Variants in C11orf21 observed in about 807,000 individuals in gnomAD.
The protein encoded by C11orf21 is uncharacterized protein C11orf21.
Under a neutral mutation model 15.2 loss-of-function variants are expected in C11orf21, and 19 were observed. That is an observed-to-expected ratio of 1.25 (90% CI 0.87 to 1.84). The LOEUF (loss-of-function observed/expected upper bound fraction) is 1.84. C11orf21 is among the 40% of genes most tolerant of loss of function. The pLI is 0.00. For missense variants in C11orf21, 171 were observed against 174.4 expected, an observed-to-expected ratio of 0.98 and a Z score of 0.11; for synonymous variants, 62 against 66.8, an observed-to-expected ratio of 0.93 and a Z score of 0.35.
Position 2,301,836 on chromosome 11 carries a change from A to T in C11orf21, c.-28T>A. On this transcript the variant is annotated 5_prime_UTR_variant, in exon 1 of 4. Coordinates refer to ENST00000381153, the MANE Select transcript of C11orf21 (RefSeq NM_001329958.2). ...CTTTCCCCCTCTCAGCGCCGTCCTC[A>T]GTGGCCACACCAAGAACGAGGCCAT... The T allele has an allele frequency of 6.4e-7, 1 of 1,550,676 alleles. No individual in the cohort carries two copies. The highest frequency in any genetic ancestry group is 8.7e-7 in the Non-Finnish European group (1 of 1,146,940).
chr11:2,299,737 G>A (rs534134013), intron 2 of C11orf21, 30 bp from the exon 3 acceptor site: 6 of 1,547,754 alleles, frequency 3.9e-6, no homozygotes, highest in East Asian at 2.5e-5. Context: ...TAGAGTGAGC[G>A]GGCGCACCTG....
intron 3 of C11orf21, 73 bp from the exon 4 acceptor site, chr11:2,297,994 C>T (rs1847568857): frequency 1.3e-5 from 2 of 152,298 alleles, no homozygotes; most frequent in South Asian, 4.1e-4. Flanking sequence ...GGCACTAATC[C>T]TATGGGACCA....
intron 1 of C11orf21, 119 bp downstream of exon 1, chr11:2,301,637 G>T: frequency 1.2e-6 from 1 of 825,222 alleles, no homozygotes; most frequent in Non-Finnish European, 1.8e-6. Context: ...CATTTCAAAG[G>T]GTGTTTCCTA....
upstream of C11orf21, chr11:2,302,104 A>C: frequency 2.0e-6 from 3 of 1,484,750 alleles, no homozygotes; most frequent in Non-Finnish European, 2.7e-6. Flanking sequence ...GCTGGAAACC[A>C]CAGGGAGGGG....
rs1056879487 is a variant in C11orf21, at chr11:2,300,525, C to G, written c.142G>C (p.Asp48His). The G allele has an allele frequency of 2.6e-6, 4 of 1,547,392 alleles. No individual in the cohort carries two copies. Among genetic ancestry groups the G allele is most frequent in the Non-Finnish European group, 3.5e-6 (4 of 1,145,700 alleles). The change falls in exon 2 of 4, where the codon GAC becomes CAC. Residue 48 changes from aspartate (D) to histidine (H), a missense_variant. Coordinates refer to ENST00000381153, the MANE Select transcript of C11orf21 (RefSeq NM_001329958.2). ...WTGTPGWPSRDQEAPGSMMPP... is the reference protein window; with the variant it reads ...WTGTPGWPSRHQEAPGSMMPP... The stretch of plus-strand genomic sequence containing the variant: ...GAGGGGGGCTGTGGTCAGACCTGGT[C>G]TCTGGAGGGCCAGCCGGGGGTTCCC...
chr11:2,299,633 G>C lies in C11orf21; in HGVS notation c.222C>G (p.Thr74=). Residue 74 remains threonine, a synonymous_variant, in exon 3 of 4, where the codon ACC becomes ACG. Transcript: ENST00000381153. The stretch of plus-strand genomic sequence containing the variant: ...CTGGGTGATCCACAGGTTCATGAGC[G>C]GTGGCAGGTGGAACAAGGGCACCAT... ...SAHGALVPPA[T]AHEPVDHPAL... The C allele has an allele frequency of 6.4e-7, 1 of 1,551,160 alleles. No individual in the cohort carries two copies. Among genetic ancestry groups the C allele is most frequent in the Non-Finnish European group, 8.7e-7 (1 of 1,146,958 alleles).
Position 2,301,826 on chromosome 11 carries a change from C to A in C11orf21, c.-18G>T, listed in dbSNP as rs767855802. On this transcript the variant is annotated 5_prime_UTR_variant, in exon 1 of 4. Transcript: ENST00000381153. ...CTGCCCATGACTTTCCCCCTCTCAGCGCCGTCCTCAGTGGCCACACCAAGA... is the reference window on the plus strand; with the variant it reads ...CTGCCCATGACTTTCCCCCTCTCAGAGCCGTCCTCAGTGGCCACACCAAGA... 1.0e-5 allele frequency: 16 copies of A among 1,550,780 alleles called. No individual in the cohort carries two copies. The highest frequency in any genetic ancestry group is 1.3e-5 in the Non-Finnish European group (15 of 1,146,948).
At position 2,300,565 on chromosome 11, in the gene C11orf21, G is replaced by A. The variant is rs1564951192; in HGVS notation, c.102C>T (p.Pro34=). The change falls in exon 2 of 4, where the codon CCC becomes CCT. Residue 34 remains proline, a synonymous_variant. Coordinates refer to ENST00000381153, the MANE Select transcript of C11orf21 (RefSeq NM_001329958.2). Reference sequence around the variant, plus strand: ...CGGGGGTTCCCGTCCACCTGTCAGGGGGTTCGACGCCACTTTGAGATGACA... The same window carrying A: ...CGGGGGTTCCCGTCCACCTGTCAGGAGGTTCGACGCCACTTTGAGATGACA... ...PHLSSQSGVE[P]PDRWTGTPGW... is the part of the protein sequence containing the mutation. The A allele has an allele frequency of 1.3e-6, 2 of 1,549,920 alleles. No homozygotes were observed. The highest frequency in any genetic ancestry group is 8.7e-7 in the Non-Finnish European group (1 of 1,146,656).
In C11orf21 at chr11:2,296,123, C is replaced by T. The variant is rs1847519983; in HGVS notation, c.*1827G>A. ...AGTGGAACGAGGCTGCAGTGGGGGT[C>T]ACCACCCTGCATCTTCCAAGTCCTC... On this transcript the variant is annotated 3_prime_UTR_variant, in exon 4 of 4. Coordinates refer to ENST00000381153, the MANE Select transcript of C11orf21 (RefSeq NM_001329958.2). The surrounding 1 kb of genome is among the most constrained non-coding windows in gnomAD (Gnocchi z 5.6). 1 of 152,182 alleles carries T rather than the reference C, an allele frequency of 6.6e-6. No homozygotes were observed. The allele number at this position is 152,182 out of a possible 1,614,324, so 9.4% of individuals were successfully genotyped here. A position where few individuals can be genotyped will look rare whatever the true frequency, so the allele number is the denominator to read the frequency against.
chr11:2,300,443 C>T, intron 2 of C11orf21, 77 bp downstream of exon 2: 1 of 914,116 alleles, frequency 1.1e-6, no homozygotes, highest in Middle Eastern at 3.2e-4. Flanking sequence ...GAGGGTGTGG[C>T]TCAGCAAAGG....
At chr11:2,300,999 T>C in intron 1 of C11orf21, 1 of 555,226 alleles carries the variant, frequency 1.8e-6, no homozygotes, top group Non-Finnish European at 3.2e-6. Context: ...AGACTCAGGG[T>C]GGGAATTCCT....
rs945476656 is a variant in C11orf21, at chr11:2,300,559, G to A, written c.108C>T (p.Asp36=). ...LSSQSGVEPP[D]RWTGTPGWPS... is the part of the protein sequence containing the mutation. The stretch of plus-strand genomic sequence containing the variant: ...GCCAGCCGGGGGTTCCCGTCCACCT[G>A]TCAGGGGGTTCGACGCCACTTTGAG... The change falls in exon 2 of 4, where the codon GAC becomes GAT. Residue 36 remains aspartate, a synonymous_variant. Coordinates refer to ENST00000381153, the MANE Select transcript of C11orf21 (RefSeq NM_001329958.2). 1.9e-5 allele frequency: 29 copies of A among 1,549,702 alleles called. No homozygotes were observed. Among genetic ancestry groups the A allele is most frequent in the East Asian group, 2.4e-5 (1 of 40,910 alleles).
upstream of C11orf21, chr11:2,302,251 G>GT: frequency 7.3e-7 from 1 of 1,379,170 alleles, no homozygotes; most frequent in Non-Finnish European, 9.4e-7. Flanking sequence ...GGTGGTGGGT[G>GT]GGGGTGAGCA....
intron 2 of C11orf21, 70 bp from the exon 3 acceptor site, chr11:2,299,777 GA>G: frequency 6.5e-7 from 1 of 1,528,126 alleles, no homozygotes. Context: ...AAGGAGAGAG[GA>G]AAAAGGAAGT....
chr11:2,299,806 AT>A, intron 2 of C11orf21, 99 bp from the exon 3 acceptor site: 6 of 1,410,272 alleles, frequency 4.3e-6, no homozygotes, highest in Non-Finnish European at 4.8e-6. Flanking sequence ...GGGTAAACAC[AT>A]ATGCATGCAC....
intron 3 of C11orf21, among the ~76,000 whole-genome samples, chr11:2,298,439 G>A (rs960060689): frequency 2.6e-5 from 4 of 152,214 alleles, no homozygotes; most frequent in Non-Finnish European, 5.9e-5. Flanking sequence ...CACCAGGAAT[G>A]GGGCAGGAAG....
upstream of C11orf21, chr11:2,302,566 C>T: frequency 3.7e-6 from 2 of 544,504 alleles, no homozygotes; most frequent in Non-Finnish European, 6.6e-6. Flanking sequence ...GGCTCACTCC[C>T]ACTCCGTAGA....
intron 1 of C11orf21, 43 bp from the exon 2 acceptor site, chr11:2,300,656 G>A: frequency 6.5e-7 from 1 of 1,549,908 alleles, no homozygotes; most frequent in Non-Finnish European, 8.7e-7. Context: ...AAGAACCCAG[G>A]CCCGCCCTGC....
rs957641513 is a variant in C11orf21, at chr11:2,300,522, GGTCTCTGGAGGGCCA to G, written c.130_144del (p.Trp44_Asp48del). The G allele has an allele frequency of 3.9e-6, 6 of 1,546,636 alleles. No individual in the cohort carries two copies. The African/African-American group carries it at 8.2e-5, about 21-fold the overall frequency. On this transcript the variant is annotated inframe_deletion, in exon 2 of 4. Transcript: ENST00000381153. ...AGTGAGGGGGGCTGTGGTCAGACCT[GGTCTCTGGAGGGCCA>G]GCCGGGGGTTCCCGTCCACCTGTCA...
Sources: allele counts gnomAD v4.1 joint callset (sites outside exome capture counted in the v4.1 genomes callset), GRCh38; gene constraint gnomAD v4.1.1; non-coding constraint Gnocchi (gnomAD v3.1); transcripts MANE v1.5; gene names NCBI Gene and HGNC (gene_info 2026-07-23, HGNC 2026-07-21).